The following MPDZ variants were observed in gnomAD, a reference collection of about 807,000 sequenced individuals.
The protein encoded by MPDZ is multiple PDZ domain crumbs cell polarity complex component, also known as multiple PDZ domain protein.
Under a neutral mutation model 239.1 loss-of-function variants are expected in MPDZ, and 234 were observed. The ratio of observed to expected loss-of-function variants is 0.98; its 90% confidence interval spans 0.88 to 1.09. The LOEUF (loss-of-function observed/expected upper bound fraction) is 1.09. Ranked by LOEUF, MPDZ falls within the 50% of genes least tolerant of loss-of-function variation. The pLI is 0.00. For synonymous variants in MPDZ, 1,048 were observed against 881.3 expected, an observed-to-expected ratio of 1.19 and a Z score of -3.35; for missense variants, 3,175 against 2,510.0, an observed-to-expected ratio of 1.26 and a Z score of -5.66.
At chr9:13,190,667 T>C (rs1338461731) in intron 15 of MPDZ, among the ~76,000 whole-genome samples, 1 of 152,078 alleles carries the variant, frequency 6.6e-6, no homozygotes, top group African/African-American at 2.4e-5. Flanking sequence ...GGAATTCTTA[T>C]GATAAATAAA....
chr9:13,152,982 T>C (rs762908794), intron 24 of MPDZ, among the ~76,000 whole-genome samples: 12 of 152,074 alleles, frequency 7.9e-5, no homozygotes, highest in Non-Finnish European at 1.5e-4. Flanking sequence ...AACAGAACTT[T>C]AAGGAGATGA....
At chr9:13,251,430 C>CTA (rs1967988524) in intron 1 of MPDZ, among the ~76,000 whole-genome samples, 1 of 152,082 alleles carries the variant, frequency 6.6e-6, no homozygotes, top group Non-Finnish European at 1.5e-5. Flanking sequence ...TGCTAACATC[C>CTA]ACGTCACTAA....
At chr9:13,109,537 T>A (rs958331965) in intron 45 of MPDZ, among the ~76,000 whole-genome samples, 2 of 152,204 alleles carry the variant, frequency 1.3e-5, no homozygotes, top group African/African-American at 4.8e-5. Flanking sequence ...TGCTTTTGTA[T>A]CCAAGTATTG....
chr9:13,238,862 G>A (rs765974220), intron 3 of MPDZ, among the ~76,000 whole-genome samples: 2 of 151,998 alleles, frequency 1.3e-5, no homozygotes, highest in Non-Finnish European at 2.9e-5. Flanking sequence ...TTAAATATAT[G>A]TGCAAAAATA....
At chr9:13,118,479 C>T (rs568702123) in intron 39 of MPDZ, among the ~76,000 whole-genome samples, 2 of 152,176 alleles carry the variant, frequency 1.3e-5, no homozygotes, top group South Asian at 4.1e-4. Context: ...CTCCCCTTAG[C>T]GTATTAGACC....
In MPDZ at chr9:13,115,263, T is replaced by A; in HGVS notation, c.5451A>T (p.Pro1817=). 1.9e-6 allele frequency: 3 copies of A among 1,612,618 alleles called. No individual in the cohort carries two copies. The highest frequency in any genetic ancestry group is 2.5e-6 in the Non-Finnish European group (3 of 1,179,772). ...KAGPFHSERR[P]SQSSQVSEGS... is the part of the protein sequence containing the mutation. ...AGCTACCCACCTGGCTGCTTTGAGA[T>A]GGCCTCCTCTCTGAATGGAATGGAC... The change falls in exon 40 of 47, where the codon CCA becomes CCT. Residue 1817 remains proline (P), a synonymous_variant. Transcript: ENST00000319217.
intron 13 of MPDZ, 49 bp downstream of exon 13, chr9:13,196,072 C>T: frequency 7.8e-7 from 1 of 1,284,880 alleles, no homozygotes; most frequent in Non-Finnish European, 1.1e-6. Flanking sequence ...GAACTGCCTG[C>T]TCAAATACAG....
At chr9:13,260,528 A>G (rs1464373207) in intron 1 of MPDZ, among the ~76,000 whole-genome samples, 1 of 152,186 alleles carries the variant, frequency 6.6e-6, no homozygotes, top group Non-Finnish European at 1.5e-5. Flanking sequence ...TTGCTATGGA[A>G]TGAACTGTGT....
At chr9:13,226,758 C>A (rs942237054) in intron 3 of MPDZ, among the ~76,000 whole-genome samples, 2 of 152,098 alleles carry the variant, frequency 1.3e-5, no homozygotes, top group African/African-American at 4.8e-5. Flanking sequence ...CAAAAACTCT[C>A]CAGTGGAAAT....
At chr9:13,257,974 G>T (rs947372162) in intron 1 of MPDZ, among the ~76,000 whole-genome samples, 1 of 152,020 alleles carries the variant, frequency 6.6e-6, no homozygotes, top group Non-Finnish European at 1.5e-5. Context: ...TAGCTTTCAC[G>T]CTTCCTGTAA....
At chr9:13,196,580 T>A (rs1191312742) in intron 12 of MPDZ, among the ~76,000 whole-genome samples, 1 of 152,172 alleles carries the variant, frequency 6.6e-6, no homozygotes, top group African/African-American at 2.4e-5. Context: ...TCGTCTTCAA[T>A]GTTCTCTGTT....
rs756379506 is a variant in MPDZ, at chr9:13,133,911, G to A, written c.4384-7C>T. The A allele has an allele frequency of 6.7e-7, 1 of 1,500,526 alleles. No individual in the cohort carries two copies. Among genetic ancestry groups the A allele is most frequent in the East Asian group, 2.4e-5 (1 of 41,332 alleles). The allele number at this position is 1,500,526 out of a possible 1,614,324, so 93.0% of individuals were successfully genotyped here. ...TAGTAACAGTTGGCTCTGTCTGACA[G>A]AGGGAAAGAAATGACAAAAAGAGCA... On this transcript the variant is annotated splice_region_variant and splice_polypyrimidine_tract_variant and intron_variant, in intron 31 of 46. Transcript: ENST00000319217.
chr9:13,249,791 T>C (rs935615768), intron 2 of MPDZ, among the ~76,000 whole-genome samples: 3 of 152,184 alleles, frequency 2.0e-5, no homozygotes, highest in Non-Finnish European at 4.4e-5. Context: ...TATTAACACA[T>C]GAGTCTGGGA....
chr9:13,233,098 C>T (rs1053272893), intron 3 of MPDZ, among the ~76,000 whole-genome samples: 3 of 152,036 alleles, frequency 2.0e-5, no homozygotes, highest in South Asian at 2.1e-4. Flanking sequence ...CACTAAATAT[C>T]GTGAGAGAGT....
chr9:13,203,728 C>CCA lies in MPDZ; in HGVS notation c.1546+1306_1546+1307dup, dbSNP rs58472339. On this transcript the variant is annotated intron_variant, in intron 12 of 46. Coordinates refer to ENST00000319217, the MANE Select transcript of MPDZ (RefSeq NM_001378778.1). ...TCTATAGTCACCCCCATGTATCCTG[C>CCA]CACACACACACACACACACACACAC... Among the ~76,000 whole-genome samples the CCA allele has an allele frequency of 3.3e-3, 461 of 140,556 alleles. 5 individuals are homozygous for CCA. The highest frequency in any genetic ancestry group is 9.8e-3 in the African/African-American group (371 of 37,692). 92.2% of individuals were successfully genotyped at this position (140,556 alleles called of 152,430 possible).
intron 12 of MPDZ, among the ~76,000 whole-genome samples, chr9:13,201,131 G>A (rs1232305801): frequency 6.6e-6 from 1 of 151,870 alleles, no homozygotes; most frequent in Non-Finnish European, 1.5e-5. Flanking sequence ...ACTGCTTGCT[G>A]TATTGACCTA....
intron 16 of MPDZ, 32 bp from the exon 17 acceptor site, chr9:13,189,025 A>G: frequency 6.3e-7 from 1 of 1,579,824 alleles, no homozygotes; most frequent in Non-Finnish European, 8.7e-7. Flanking sequence ...GAGTCAGCTC[A>G]TTTTACAAAG....
intron 16 of MPDZ, among the ~76,000 whole-genome samples, chr9:13,189,246 A>G (rs1446188254): frequency 2.6e-5 from 4 of 152,166 alleles, no homozygotes; most frequent in African/African-American, 9.7e-5. Context: ...CTTAAATTGT[A>G]CAGATAACTT....
chr9:13,170,851 T>C (rs756150424), intron 21 of MPDZ, among the ~76,000 whole-genome samples: 5 of 152,200 alleles, frequency 3.3e-5, no homozygotes, highest in Non-Finnish European at 7.3e-5. Context: ...ATACTTTCCT[T>C]TCACCAAATG....
Sources: gnomAD v4.1 joint callset for allele counts (sites outside exome capture counted in the v4.1 genomes callset) on GRCh38, gnomAD v4.1.1 for gene constraint, MANE v1.5 for transcripts, NCBI Gene and HGNC (gene_info 2026-07-23, HGNC 2026-07-21) for gene names.